ANTXR1: variants seen among roughly 807,000 people sequenced by gnomAD.
The protein encoded by ANTXR1 is ANTXR cell adhesion molecule 1.
A neutral mutation model predicts 78.1 loss-of-function variants in ANTXR1; 19 were observed. That is an observed-to-expected ratio of 0.24 (90% CI 0.17 to 0.36). The LOEUF is 0.36. Ranked by LOEUF, ANTXR1 falls within the 10% of genes least tolerant of loss-of-function variation. The pLI is 1.00. For synonymous variants in ANTXR1, 273 were observed against 260.5 expected (o/e 1.05, Z -0.46); for missense variants, 518 against 718.6 (o/e 0.72, Z 3.19).
chr2:69,191,231 T>G (rs61075648), intron 16 of ANTXR1, among the ~76,000 whole-genome samples: 1,872 of 152,264 alleles, frequency 0.012, 38 homozygotes, highest in South Asian at 0.086. Flanking sequence ...TGAGAAACAC[T>G]ACACTTGGCA....
At chr2:69,199,262 T>A (rs1445369664) in intron 17 of ANTXR1, among the ~76,000 whole-genome samples, 1 of 152,172 alleles carries the variant, frequency 6.6e-6, no homozygotes, top group Non-Finnish European at 1.5e-5. Context: ...GAATTAGCAT[T>A]TCTAACAAAC....
chr2:69,090,600 C>T (rs527270085), intron 8 of ANTXR1: 10 of 544,146 alleles, frequency 1.8e-5, no homozygotes, highest in African/African-American at 1.3e-4. Flanking sequence ...ATAGCATAGG[C>T]TCAGTAAATA....
chr2:69,013,952 C>T lies in ANTXR1; in HGVS notation c.152+301C>T, dbSNP rs146427849. Reference sequence around the variant, plus strand: ...GGGCTTGGAGGATGCTATTGTCTTGCTGAGTTTCTGTGACTCCCTCCCGTG... The same window carrying T: ...GGGCTTGGAGGATGCTATTGTCTTGTTGAGTTTCTGTGACTCCCTCCCGTG... On this transcript the variant is annotated intron_variant, in intron 1 of 17. Coordinates refer to ENST00000303714, the MANE Select transcript of ANTXR1 (RefSeq NM_032208.3). This position sits in a 1 kb window ranked among gnomAD's most constrained non-coding sequence, Gnocchi z 5.0. 0.012 allele frequency among the ~76,000 whole-genome samples: 1,843 copies of T among 152,328 alleles called. 30 individuals are homozygous for T. Among genetic ancestry groups the T allele is most frequent in the African/African-American group, 0.042 (1,755 of 41,580 alleles).
rs527983003 is a variant in ANTXR1 at position 69,248,898 on chromosome 2, T to A, written c.*3413T>A. The A allele has an allele frequency of 1.3e-4, 18 of 139,936 alleles. No individual in the cohort carries two copies. The highest frequency in any genetic ancestry group is 9.5e-4 in the Admixed American group (14 of 14,812). The allele number at this position is 139,936 out of a possible 1,614,324, so 8.7% of individuals were successfully genotyped here. A position where few individuals can be genotyped will look rare whatever the true frequency, so the allele number is the denominator to read the frequency against. ...ATGGAGTGTTCTAACCAATTGCCTT[T>A]TCTTGTTATCTGAGCTCTCCTATAT... On this transcript the variant is annotated 3_prime_UTR_variant, in exon 18 of 18. Coordinates refer to ENST00000303714, the MANE Select transcript of ANTXR1 (RefSeq NM_032208.3).
chr2:69,161,863 AG>A (rs1427994495), intron 13 of ANTXR1, among the ~76,000 whole-genome samples: 1 of 152,136 alleles, frequency 6.6e-6, no homozygotes, highest in Admixed American at 6.5e-5. Flanking sequence ...TTAAAAGGCC[AG>A]GGGGGCAGCA....
chr2:69,188,981 G>T (rs528503366), intron 16 of ANTXR1, among the ~76,000 whole-genome samples: 4 of 152,330 alleles, frequency 2.6e-5, no homozygotes, highest in Admixed American at 2.6e-4. Context: ...AGTGCTCATT[G>T]AATTTTGAGA....
rs1676003320 is a variant in ANTXR1, at chr2:69,245,548, C to T, written c.*63C>T. The stretch of plus-strand genomic sequence containing the variant: ...CAGGAGATGTTAGAACAAGTCTTTC[C>T]AGTTAGAGAAGAGGAGTGGTGATAA... On this transcript the variant is annotated 3_prime_UTR_variant, in exon 18 of 18. Transcript: ENST00000303714. The T allele has an allele frequency of 9.4e-6, 15 of 1,598,170 alleles. No individual in the cohort carries two copies. Among genetic ancestry groups the T allele is most frequent in the African/African-American group, 1.3e-5 (1 of 74,240 alleles).
intron 17 of ANTXR1, among the ~76,000 whole-genome samples, chr2:69,196,526 G>A (rs866387588): frequency 1.3e-5 from 2 of 152,276 alleles, no homozygotes; most frequent in African/African-American, 4.8e-5. Context: ...AGGCAGGGGG[G>A]GCAATATTGT....
At chr2:69,201,243 G>A (rs1288010884) in intron 17 of ANTXR1, among the ~76,000 whole-genome samples, 1 of 152,106 alleles carries the variant, frequency 6.6e-6, no homozygotes, top group Admixed American at 6.6e-5. Context: ...CTTCTTGAAT[G>A]GACATTTAAG....
intron 8 of ANTXR1, 164 bp from the exon 9 acceptor site, chr2:69,090,695 T>C (rs1671203464): frequency 3.0e-6 from 2 of 666,120 alleles, no homozygotes; most frequent in Middle Eastern, 2.4e-4. Flanking sequence ...TTAATAAATG[T>C]TTGGTATTGG....
intron 10 of ANTXR1, among the ~76,000 whole-genome samples, chr2:69,107,115 C>T (rs1408858627): frequency 6.9e-6 from 1 of 145,504 alleles, no homozygotes; most frequent in African/African-American, 2.5e-5. Flanking sequence ...GAAATTTCAT[C>T]CCCCCCCCGA....
At chr2:69,221,649 A>G (rs559578911) in intron 17 of ANTXR1, among the ~76,000 whole-genome samples, 188 of 151,754 alleles carry the variant, frequency 1.2e-3, no homozygotes, top group African/African-American at 4.5e-3. Context: ...CAGTGAGTCA[A>G]TTAAATTTTG....
chr2:69,076,755 A>G (rs745310422), intron 7 of ANTXR1, among the ~76,000 whole-genome samples: 1 of 152,246 alleles, frequency 6.6e-6, no homozygotes, highest in Admixed American at 6.5e-5. Flanking sequence ...TACTTTTGCA[A>G]TCAGTAAAAA....
intron 10 of ANTXR1, among the ~76,000 whole-genome samples, chr2:69,117,706 C>T (rs1473587495): frequency 6.6e-6 from 1 of 152,142 alleles, no homozygotes; most frequent in East Asian, 1.9e-4. Context: ...AGAATAACAT[C>T]TACTGAATGC....
chr2:69,071,930 A>G, intron 5 of ANTXR1, 143 bp downstream of exon 5: 2 of 807,870 alleles, frequency 2.5e-6, no homozygotes, highest in Non-Finnish European at 4.1e-6. Context: ...CATCACAAAC[A>G]AGGAATGCAT....
At chr2:69,136,862 T>G (rs957264084) in intron 12 of ANTXR1, among the ~76,000 whole-genome samples, 2 of 152,074 alleles carry the variant, frequency 1.3e-5, no homozygotes, top group African/African-American at 4.8e-5. Flanking sequence ...GAAATAGACA[T>G]GTATAGAAAG....
intron 17 of ANTXR1, among the ~76,000 whole-genome samples, chr2:69,198,045 G>T (rs905517462): frequency 3.3e-5 from 5 of 152,132 alleles, no homozygotes; most frequent in African/African-American, 7.2e-5. Flanking sequence ...TGATTTTCAA[G>T]TATCTATTAT....
At chr2:69,189,329 G>T (rs973300595) in intron 16 of ANTXR1, among the ~76,000 whole-genome samples, 1 of 152,126 alleles carries the variant, frequency 6.6e-6, no homozygotes, top group Non-Finnish European at 1.5e-5. Flanking sequence ...CTTTATTATT[G>T]ATAACAGCCC....
intron 17 of ANTXR1, among the ~76,000 whole-genome samples, chr2:69,205,986 T>C (rs2104491893): frequency 6.6e-6 from 1 of 152,382 alleles, no homozygotes; most frequent in African/African-American, 2.4e-5. Context: ...AATTCGTTCC[T>C]ATAACATTTG....
Sources: gnomAD v4.1 joint callset for allele counts (sites outside exome capture counted in the v4.1 genomes callset) on GRCh38, gnomAD v4.1.1 for gene constraint, Gnocchi (gnomAD v3.1) non-coding constraint, MANE v1.5 for transcripts, NCBI Gene and HGNC (gene_info 2026-07-23, HGNC 2026-07-21) for gene names.